ADAMTSL1: variants seen among roughly 807,000 people sequenced by gnomAD.
The protein encoded by ADAMTSL1 is ADAMTS-like protein 1.
Under a neutral mutation model 201.8 loss-of-function variants are expected in ADAMTSL1, and 126 were observed. The ratio of observed to expected loss-of-function variants is 0.62; its 90% CI spans 0.54 to 0.72. ADAMTSL1 has a LOEUF of 0.72. Among genes scored for constraint, ADAMTSL1 ranks in the 30% least tolerant of loss-of-function variants. ADAMTSL1 has a pLI of 0.00. For missense variants in ADAMTSL1, 2,679 were observed against 2,277.8 expected (o/e 1.18, Z -3.59); for synonymous variants, 1,121 against 903.4 (o/e 1.24, Z -4.32).
intron 2 of ADAMTSL1, among the ~76,000 whole-genome samples, chr9:18,285,427 T>C (rs1832955580): frequency 6.6e-6 from 1 of 152,120 alleles, no homozygotes; most frequent in Non-Finnish European, 1.5e-5. Flanking sequence ...CAAACATTAA[T>C]AGAGTAATAT....
At chr9:18,474,577 G>A (rs1049752936) in intron 1 of ADAMTSL1, among the ~76,000 whole-genome samples, 2 of 152,114 alleles carry the variant, frequency 1.3e-5, no homozygotes, top group Non-Finnish European at 2.9e-5. Context: ...TGGAGTTTGG[G>A]AGCTGAGGAC....
intron 5 of ADAMTSL1, 77 bp from the exon 6 acceptor site, chr9:18,635,866 G>A (rs1827078150): frequency 7.3e-6 from 9 of 1,227,830 alleles, no homozygotes. Flanking sequence ...ATGGAAGTCA[G>A]TGCCTTTATT....
At chr9:18,241,470 A>G (rs953818024) in intron 2 of ADAMTSL1, among the ~76,000 whole-genome samples, 4 of 152,118 alleles carry the variant, frequency 2.6e-5, no homozygotes, top group Non-Finnish European at 5.9e-5. Context: ...TTTGCAGTAG[A>G]GCCTTCCTTT....
intron 14 of ADAMTSL1, chr9:18,718,613 G>A (rs571475570): frequency 1.5e-4 from 56 of 381,526 alleles, no homozygotes; most frequent in African/African-American, 9.3e-4. Flanking sequence ...TGCTACTCTC[G>A]GCACCACAGC....
At chr9:18,334,748 C>A (rs562458425) in intron 2 of ADAMTSL1, among the ~76,000 whole-genome samples, 47 of 152,208 alleles carry the variant, frequency 3.1e-4, no homozygotes, top group African/African-American at 1.0e-3. Context: ...ACAACAGAAA[C>A]CAAATAGAAT....
At chr9:18,167,225 C>A (rs1026307544) in intron 2 of ADAMTSL1, among the ~76,000 whole-genome samples, 1 of 151,934 alleles carries the variant, frequency 6.6e-6, no homozygotes, top group Admixed American at 6.6e-5. Context: ...TAACAAAATT[C>A]ATTAAAGAAT....
At chr9:18,895,662 T>C (rs934599813) in intron 26 of ADAMTSL1, among the ~76,000 whole-genome samples, 1 of 97,092 alleles carries the variant, frequency 1.0e-5, no homozygotes, top group Non-Finnish European at 2.0e-5. Flanking sequence ...ACACACCACA[T>C]AAAAGAAAGA....
intron 1 of ADAMTSL1, among the ~76,000 whole-genome samples, chr9:18,052,887 T>C (rs774097054): frequency 1.3e-5 from 2 of 152,176 alleles, no homozygotes; most frequent in Non-Finnish European, 2.9e-5. Flanking sequence ...TAAAATCACC[T>C]TTACAGCTTT....
At position 17,929,214 on chromosome 9, in the gene ADAMTSL1, G is replaced by A. The variant is rs199926469; in HGVS notation, c.87+22292G>A. ...AGAAATTGTACCATGGCACTTCCCT[G>A]CTTAAAGGCTTCAGTGATTTCCTGC... On this transcript the variant is annotated intron_variant, in intron 1 of 29. Coordinates refer to the ADAMTSL1 transcript ENST00000680146. Among the ~76,000 whole-genome samples the A allele has an allele frequency of 1.9e-4, 29 of 152,166 alleles. No homozygotes were observed. The East Asian group carries it at 4.8e-3, about 25-fold the overall frequency.
intron 3 of ADAMTSL1, among the ~76,000 whole-genome samples, chr9:18,550,831 A>T (rs1230815275): frequency 1.3e-5 from 2 of 151,818 alleles, no homozygotes; most frequent in African/African-American, 4.8e-5. Flanking sequence ...GGTTTTTTTA[A>T]AAAAACATAT....
intron 2 of ADAMTSL1, among the ~76,000 whole-genome samples, chr9:18,461,292 T>G (rs909948936): frequency 2.6e-5 from 4 of 152,190 alleles, no homozygotes; most frequent in Admixed American, 2.6e-4. Flanking sequence ...CATCATCTTT[T>G]TCTCTTTAAT....
intron 1 of ADAMTSL1, among the ~76,000 whole-genome samples, chr9:18,001,094 C>T (rs374565594): frequency 6.6e-6 from 1 of 151,900 alleles, no homozygotes; most frequent in African/African-American, 2.4e-5. Context: ...GGAAGCAAAA[C>T]CAGTAACTTG....
chr9:18,097,585 C>G (rs544681813), intron 1 of ADAMTSL1, among the ~76,000 whole-genome samples: 62 of 152,268 alleles, frequency 4.1e-4, no homozygotes, highest in African/African-American at 1.5e-3. Flanking sequence ...TTCGTGTGGT[C>G]TGTCTTTCCA....
intron 1 of ADAMTSL1, among the ~76,000 whole-genome samples, chr9:18,088,239 A>T (rs1467858898): frequency 6.6e-6 from 1 of 152,222 alleles, no homozygotes. Flanking sequence ...ATATACAAAA[A>T]TCAACTTTAA....
In ADAMTSL1 at chr9:18,574,099, G is replaced by A. The variant is rs1418117050; in HGVS notation, c.307G>A (p.Gly103Ser). 1.9e-6 allele frequency: 3 copies of A among 1,614,088 alleles called. No individual in the cohort carries two copies. The highest frequency in any genetic ancestry group is 4.5e-5 in the East Asian group (2 of 44,876). The change falls in exon 4 of 29, where the codon GGC becomes AGC. Residue 103 changes from glycine to serine, a missense_variant. Transcript: ENST00000380548. ...CSAHNDVKHHGQFYEWLPVSN... is the reference protein window; with the variant it reads ...CSAHNDVKHHSQFYEWLPVSN... ...AGCTCATAATGATGTCAAGCACCAT[G>A]GCCAGTTTTATGAATGGCTTCCTGT...
chr9:18,165,732 C>A (rs532273126), intron 2 of ADAMTSL1, among the ~76,000 whole-genome samples: 1 of 151,840 alleles, frequency 6.6e-6, no homozygotes, highest in Non-Finnish European at 1.5e-5. Flanking sequence ...TTCAGTCTCC[C>A]AATAAGTGTG....
intron 15 of ADAMTSL1, chr9:18,723,187 T>C (rs1817652287): frequency 4.3e-6 from 3 of 702,886 alleles, no homozygotes; most frequent in Non-Finnish European, 5.3e-6. Flanking sequence ...TGATCTGAGA[T>C]CCCATGACTT....
At chr9:18,552,825 T>C (rs1820867808) in intron 3 of ADAMTSL1, among the ~76,000 whole-genome samples, 2 of 151,714 alleles carry the variant, frequency 1.3e-5, no homozygotes, top group South Asian at 4.1e-4. Context: ...GTTTATCTGA[T>C]ATAAATATTC....
intron 23 of ADAMTSL1, among the ~76,000 whole-genome samples, chr9:18,832,540 T>C (rs1403241330): frequency 6.6e-6 from 1 of 152,106 alleles, no homozygotes; most frequent in Non-Finnish European, 1.5e-5. Context: ...TAATCGATAG[T>C]GGGAGAGATT....
Sources: gnomAD v4.1 joint callset for allele counts (sites outside exome capture counted in the v4.1 genomes callset) on GRCh38, gnomAD v4.1.1 for gene constraint, MANE v1.5 for transcripts, NCBI Gene and HGNC (gene_info 2026-07-23, HGNC 2026-07-21) for gene names.